The following ACOX2 variants were observed in gnomAD, a reference collection of about 807,000 sequenced individuals.
ACOX2 encodes the protein peroxisomal acyl-coenzyme A oxidase 2.
ACOX2 carries 59 observed loss-of-function variants against 77.5 expected under a neutral mutation model. That is an observed-to-expected ratio of 0.76 (90% CI 0.62 to 0.95). The LOEUF (loss-of-function observed/expected upper bound fraction) is 0.95, where lower values mean the gene tolerates loss of function less well. Among genes scored for constraint, ACOX2 ranks in the 40% least tolerant of loss-of-function variants. ACOX2 has a pLI of 0.00. For missense variants in ACOX2, 837 were observed against 880.4 expected, an observed-to-expected ratio of 0.95 and a Z score of 0.62; for synonymous variants, 317 against 340.1, an observed-to-expected ratio of 0.93 and a Z score of 0.75.
In ACOX2 at chr3:58,528,661, G is replaced by T; in HGVS notation, c.1155+133C>A. 1 of 1,208,508 alleles carries T rather than the reference G, an allele frequency of 8.3e-7. No homozygotes were observed. The highest frequency in any genetic ancestry group is 2.5e-5 in the East Asian group (1 of 39,400). 74.9% of individuals were successfully genotyped at this position (1,208,508 alleles called of 1,614,324 possible). A position where few individuals can be genotyped will look rare whatever the true frequency, so the allele number is the denominator to read the frequency against. ...AGGGTGCCGTTCACCCAGACGCCCT[G>T]GGATGCTGAAAGCTGGGAGAGGTGG... is the stretch of plus-strand genomic sequence containing the variant. On this transcript the variant is annotated intron_variant, in intron 9 of 14. Transcript: ENST00000302819. The surrounding 1 kb of genome is among the most constrained non-coding windows in gnomAD (Gnocchi z 5.6).
At position 58,519,288 on chromosome 3, in the gene ACOX2, G is replaced by C. The variant is rs761381611; in HGVS notation, c.1633-1865C>G. On this transcript the variant is annotated intron_variant, in intron 12 of 14. Transcript: ENST00000302819. The surrounding 1 kb of genome is among the most constrained non-coding windows in gnomAD (Gnocchi z 5.0). ...AATTCTGGCTACTCGGAAGGCTGAGGCACAAGAATTGCTTGAACCTGGGAG... is the reference window on the plus strand; with the variant it reads ...AATTCTGGCTACTCGGAAGGCTGAGCCACAAGAATTGCTTGAACCTGGGAG... 1.3e-5 allele frequency among the ~76,000 whole-genome samples: 2 copies of C among 152,044 alleles called. No homozygotes were observed. Among genetic ancestry groups the C allele is most frequent in the Non-Finnish European group, 2.9e-5 (2 of 68,008 alleles).
At chr3:58,517,847 G>A (rs1378246069) in intron 12 of ACOX2, among the ~76,000 whole-genome samples, 4 of 152,000 alleles carry the variant, frequency 2.6e-5, no homozygotes, top group Non-Finnish European at 4.4e-5. Flanking sequence ...GGCCAAGGTG[G>A]GTGGATCACC....
At chr3:58,513,743 T>A (rs2063303369) in intron 13 of ACOX2, among the ~76,000 whole-genome samples, 1 of 152,080 alleles carries the variant, frequency 6.6e-6, no homozygotes, top group Non-Finnish European at 1.5e-5. Context: ...ATTCTTCAGG[T>A]GTTTGGTGAT....
rs1404931880 is a variant in ACOX2, at chr3:58,515,618, C to T, written c.1850+1588G>A. Reference sequence around the variant, plus strand: ...AGCCTCTTTTTTTCTTTTTATTAGTCTTGTTGATATAAGAATTGTTGGAGA... The same window carrying T: ...AGCCTCTTTTTTTCTTTTTATTAGTTTTGTTGATATAAGAATTGTTGGAGA... On this transcript the variant is annotated intron_variant, in intron 13 of 14. Coordinates refer to ENST00000302819, the MANE Select transcript of ACOX2 (RefSeq NM_003500.4). The surrounding 1 kb of genome is among the most constrained non-coding windows in gnomAD (Gnocchi z 4.0). Among the ~76,000 whole-genome samples the T allele has an allele frequency of 6.6e-6, 1 of 152,010 alleles. No homozygotes were observed. Among genetic ancestry groups the T allele is most frequent in the Non-Finnish European group, 1.5e-5 (1 of 67,996 alleles).
At position 58,528,775 on chromosome 3, in the gene ACOX2, C is replaced by T. The variant is rs200845655; in HGVS notation, c.1155+19G>A. 2 of 1,592,622 alleles carry T rather than the reference C, an allele frequency of 1.3e-6. No homozygotes were observed. Among genetic ancestry groups the T allele is most frequent in the Middle Eastern group, 1.7e-4 (1 of 5,830 alleles). The stretch of plus-strand genomic sequence containing the variant: ...TCCCAGCGCCTGCCAGCGCCTGCCC[C>T]TCCGCAGACAGCAGGTACCTCAGGC... On this transcript the variant is annotated intron_variant, in intron 9 of 14. Coordinates refer to ENST00000302819, the MANE Select transcript of ACOX2 (RefSeq NM_003500.4). The surrounding 1 kb of genome is among the most constrained non-coding windows in gnomAD (Gnocchi z 5.6).
Position 58,533,683 on chromosome 3 carries a change from G to T in ACOX2, c.476-131C>A. ...TGGGGCCCAGCTCCCAGCTGTACTT[G>T]CAGGCAGTTCTCCCCTTTCATCTGT... On this transcript the variant is annotated intron_variant, in intron 4 of 14. Transcript: ENST00000302819. The surrounding 1 kb of genome is among the most constrained non-coding windows in gnomAD (Gnocchi z 5.6). The T allele has an allele frequency of 1.2e-6, 1 of 802,518 alleles. No individual in the cohort carries two copies. The highest frequency in any genetic ancestry group is 2.0e-6 in the Non-Finnish European group (1 of 492,138). The allele number at this position is 802,518 out of a possible 1,614,324, so 49.7% of individuals were successfully genotyped here.
rs1336916085 is a variant in ACOX2 at position 58,534,616 on chromosome 3, G to A, written c.161-94C>T. On this transcript the variant is annotated intron_variant, in intron 2 of 14. Coordinates refer to ENST00000302819, the MANE Select transcript of ACOX2 (RefSeq NM_003500.4). The surrounding 1 kb of genome is among the most constrained non-coding windows in gnomAD (Gnocchi z 4.8). ...CCCACTTGCTTCATGGATCTGGAAAGGAAGTCAGACATTATTGTTATTTTA... is the reference window on the plus strand; with the variant it reads ...CCCACTTGCTTCATGGATCTGGAAAAGAAGTCAGACATTATTGTTATTTTA... 3.7e-6 allele frequency: 6 copies of A among 1,602,578 alleles called. No homozygotes were observed. The East Asian group carries it at 1.1e-4, about 30-fold the overall frequency.
rs1263532566 is a variant in ACOX2 at position 58,519,742 on chromosome 3, T to G, written c.1633-2319A>C. ...TCACACAGGTGCTGACAACTCCACTTTGCCATTCAGACATGGTGTGCTCAC... is the reference window on the plus strand; with the variant it reads ...TCACACAGGTGCTGACAACTCCACTGTGCCATTCAGACATGGTGTGCTCAC... On this transcript the variant is annotated intron_variant, in intron 12 of 14. Coordinates refer to ENST00000302819, the MANE Select transcript of ACOX2 (RefSeq NM_003500.4). The surrounding 1 kb of genome is among the most constrained non-coding windows in gnomAD (Gnocchi z 5.0). Among the ~76,000 whole-genome samples the G allele has an allele frequency of 6.6e-6, 1 of 152,224 alleles. No individual in the cohort carries two copies. The highest frequency in any genetic ancestry group is 1.5e-5 in the Non-Finnish European group (1 of 68,028).
intron 13 of ACOX2, among the ~76,000 whole-genome samples, chr3:58,509,245 C>T (rs750333729): frequency 2.6e-5 from 4 of 152,036 alleles, no homozygotes; most frequent in Admixed American, 6.5e-5. Flanking sequence ...ACAGCATATC[C>T]GGCCATGCGT....
In ACOX2 at chr3:58,524,706, C is replaced by CTCATGGAACCCGTGGCAAG. The variant is rs1172708372; in HGVS notation, c.1347-102_1347-101insCTTGCCACGGGTTCCATGA. The CTCATGGAACCCGTGGCAAG allele has an allele frequency of 3.8e-6, 5 of 1,328,400 alleles. No individual in the cohort carries two copies. Among genetic ancestry groups the CTCATGGAACCCGTGGCAAG allele is most frequent in the Non-Finnish European group, 5.1e-6 (5 of 975,568 alleles). 82.3% of individuals were successfully genotyped at this position (1,328,400 alleles called of 1,614,324 possible). A position where few individuals can be genotyped will look rare whatever the true frequency, so the allele number is the denominator to read the frequency against. Reference sequence around the variant, plus strand: ...CAGGCAAGCTCATGCTAGGTTCCAGCCTTCCCGTGGGAGAGCCAGGTCACC... The same window carrying CTCATGGAACCCGTGGCAAG: ...CAGGCAAGCTCATGCTAGGTTCCAGCTCATGGAACCCGTGGCAAGCTTCCCGTGGGAGAGCCAGGTCACC... On this transcript the variant is annotated intron_variant, in intron 10 of 14. Coordinates refer to ENST00000302819, the MANE Select transcript of ACOX2 (RefSeq NM_003500.4). This position sits in a 1 kb window ranked among gnomAD's most constrained non-coding sequence, Gnocchi z 5.5.
Position 58,530,316 on chromosome 3 carries a change from G to C in ACOX2, c.992+150C>G, listed in dbSNP as rs1303951710. 3.3e-6 allele frequency: 4 copies of C among 1,194,960 alleles called. No individual in the cohort carries two copies. In the East Asian group the frequency reaches 9.9e-5, roughly 30 times the overall value. The allele number at this position is 1,194,960 out of a possible 1,614,324, so 74.0% of individuals were successfully genotyped here. ...GACATGCCCAGATGGGGCCAGGCTG[G>C]GTAGATTTTGTGTTTGTGTGTGTGT... On this transcript the variant is annotated intron_variant, in intron 8 of 14. Coordinates refer to ENST00000302819, the MANE Select transcript of ACOX2 (RefSeq NM_003500.4).
Position 58,524,656 on chromosome 3 carries a change from G to A in ACOX2, c.1347-51C>T. 3 of 1,561,078 alleles carry A rather than the reference G, an allele frequency of 1.9e-6. No homozygotes were observed. Among genetic ancestry groups the A allele is most frequent in the Non-Finnish European group, 2.6e-6 (3 of 1,142,654 alleles). On this transcript the variant is annotated intron_variant, in intron 10 of 14. Transcript: ENST00000302819. This position sits in a 1 kb window ranked among gnomAD's most constrained non-coding sequence, Gnocchi z 5.5. ...GAGAGGGCAGAGACTCTGTGAGACA[G>A]CCCAGCACCCCTCACTCCCAGAGAC...
intron 13 of ACOX2, chr3:58,511,101 T>G (rs1200173366): frequency 2.2e-6 from 1 of 456,208 alleles, no homozygotes; most frequent in East Asian, 7.0e-5. Flanking sequence ...TTCCCACCCT[T>G]GCATTTATAC....
At position 58,522,553 on chromosome 3, in the gene ACOX2, T is replaced by C; in HGVS notation, c.1575A>G (p.Gly525=). The part of the protein sequence containing the change: ...VQHLQTLTQS[G]ADQHEAWNQT... ...GGTTCCAAGCCTCGTGCTGGTCAGCTCCGGATTGCGTCAGGGTCTGTAAAT... is the reference window on the plus strand; with the variant it reads ...GGTTCCAAGCCTCGTGCTGGTCAGCCCCGGATTGCGTCAGGGTCTGTAAAT... The change falls in exon 12 of 15, where the codon GGA becomes GGG. Residue 525 remains glycine, a synonymous_variant. Coordinates refer to ENST00000302819, the MANE Select transcript of ACOX2 (RefSeq NM_003500.4). This position sits in a 1 kb window ranked among gnomAD's most constrained non-coding sequence, Gnocchi z 4.3. 1.2e-6 allele frequency: 2 copies of C among 1,614,124 alleles called. No individual in the cohort carries two copies. The highest frequency in any genetic ancestry group is 1.7e-6 in the Non-Finnish European group (2 of 1,180,004).
chr3:58,512,316 C>T lies in ACOX2; in HGVS notation c.1851-3291G>A, dbSNP rs2063293820. ...CAAACTTCAACCATTCCCACCACCT[C>T]CAGCACTGTCACTGCTCCAATCCAC... On this transcript the variant is annotated intron_variant, in intron 13 of 14. Coordinates refer to ENST00000302819, the MANE Select transcript of ACOX2 (RefSeq NM_003500.4). The surrounding 1 kb of genome is among the most constrained non-coding windows in gnomAD (Gnocchi z 4.8). 6.6e-6 allele frequency among the ~76,000 whole-genome samples: 1 copy of T among 152,232 alleles called. No homozygotes were observed. The highest frequency in any genetic ancestry group is 1.5e-5 in the Non-Finnish European group (1 of 68,040).
At chr3:58,518,075 C>CAAAAAAAAAAAAAA (rs763535906) in intron 12 of ACOX2, among the ~76,000 whole-genome samples, 5 of 47,690 alleles carry the variant, frequency 1.0e-4, no homozygotes, top group East Asian at 6.1e-4. Context: ...AACTCCATCT[C>CAAAAAAAAAAAAAA]AAAAAAAAAA....
intron 9 of ACOX2, among the ~76,000 whole-genome samples, chr3:58,527,910 C>T (rs992399809): frequency 6.7e-6 from 1 of 149,692 alleles, no homozygotes; most frequent in Non-Finnish European, 1.5e-5. Context: ...CCATCTTGCT[C>T]AGGCTGGTCT....
At position 58,533,477 on chromosome 3, in the gene ACOX2, G is replaced by T; in HGVS notation, c.551C>A (p.Thr184Lys). The change falls in exon 5 of 15, where the codon ACG (threonine) becomes AAG (lysine). Residue 184 changes from threonine to lysine, a missense_variant. Transcript: ENST00000302819. This position sits in a 1 kb window ranked among gnomAD's most constrained non-coding sequence, Gnocchi z 5.6. ...AGGCCACCATTTGGTGGCAGTCAGCGTGGGGCTGTGTATCACAAACTCCTG... is the reference window on the plus strand; with the variant it reads ...AGGCCACCATTTGGTGGCAGTCAGCTTGGGGCTGTGTATCACAAACTCCTG... ...ATQEFVIHSP[T>K]LTATKWWPGD... 6.2e-7 allele frequency: 1 copy of T among 1,613,970 alleles called. No homozygotes were observed. The highest frequency in any genetic ancestry group is 1.1e-5 in the South Asian group (1 of 91,076).
In ACOX2 at chr3:58,515,394, G is replaced by A. The variant is rs528763106; in HGVS notation, c.1850+1812C>T. On this transcript the variant is annotated intron_variant, in intron 13 of 14. Coordinates refer to ENST00000302819, the MANE Select transcript of ACOX2 (RefSeq NM_003500.4). The surrounding 1 kb of genome is among the most constrained non-coding windows in gnomAD (Gnocchi z 4.0). ...AGTCATAAAGGGCATGTAACATATTGCATATTGTGAGAAATAAAAGGAATT... is the reference window on the plus strand; with the variant it reads ...AGTCATAAAGGGCATGTAACATATTACATATTGTGAGAAATAAAAGGAATT... Among the ~76,000 whole-genome samples, 5 of 152,288 alleles carry A rather than the reference G, an allele frequency of 3.3e-5. No individual in the cohort carries two copies. In the East Asian group the frequency reaches 9.6e-4, roughly 29 times the overall value.
Sources: gnomAD v4.1 joint callset for allele counts (sites outside exome capture counted in the v4.1 genomes callset) on GRCh38, gnomAD v4.1.1 for gene constraint, Gnocchi (gnomAD v3.1) non-coding constraint, MANE v1.5 for transcripts, NCBI Gene and HGNC (gene_info 2026-07-23, HGNC 2026-07-21) for gene names.